Variants in RTEL1 observed in about 807,000 individuals in gnomAD.
RTEL1 encodes regulator of telomere elongation helicase 1, also known as regulator of telomere length.
RTEL1 carries 86 observed loss-of-function variants against 162.2 expected under a neutral mutation model. That is an observed-to-expected ratio of 0.53 (90% CI 0.45 to 0.63). RTEL1 has a LOEUF of 0.63. Among genes scored for constraint, RTEL1 ranks in the 30% least tolerant of loss-of-function variants. The pLI is 0.00. For synonymous variants in RTEL1, 958 were observed against 717.9 expected (o/e 1.33, Z -5.35); for missense variants, 1,941 against 1,750.2 (o/e 1.11, Z -1.95).
chr20:63,693,426 A>G (rs908626227), intron 30 of RTEL1, 143 bp downstream of exon 30: 81 of 908,312 alleles, frequency 8.9e-5, no homozygotes, highest in Non-Finnish European at 1.2e-4. Flanking sequence ...GGGGGCCTCC[A>G]CCTCCACCAC....
In RTEL1 at chr20:63,659,383, C is replaced by T. The variant is rs189025756; in HGVS notation, c.-20C>T. 356 of 1,589,754 alleles carry T rather than the reference C, an allele frequency of 2.2e-4. 4 individuals carry two copies. The East Asian group carries it at 6.6e-3, about 30-fold the overall frequency. On this transcript the variant is annotated 5_prime_UTR_variant, in exon 2 of 35. Coordinates refer to ENST00000360203, the MANE Select transcript of RTEL1 (RefSeq NM_001283009.2). Reference sequence around the variant, plus strand: ...CCTGCCCCTCAGCCACGCTCTGTGCCCTTCTGAGAACAGGCTGATATGCCC... The same window carrying T: ...CCTGCCCCTCAGCCACGCTCTGTGCTCTTCTGAGAACAGGCTGATATGCCC...
In RTEL1 at chr20:63,662,061, C is replaced by G; in HGVS notation, c.395+118C>G. ...GAGGGTGGTGGTCTTTCTAGACGCTCCCCCGAAGTGTGCAGAGCGCTGGTG... is the reference window on the plus strand; with the variant it reads ...GAGGGTGGTGGTCTTTCTAGACGCTGCCCCGAAGTGTGCAGAGCGCTGGTG... On this transcript the variant is annotated intron_variant, in intron 4 of 34. Transcript: ENST00000360203. 4 of 838,178 alleles carry G rather than the reference C, an allele frequency of 4.8e-6. No individual in the cohort carries two copies. In the South Asian group the frequency reaches 6.0e-5, roughly 13 times the overall value. The allele number at this position is 838,178 out of a possible 1,614,324, so 51.9% of individuals were successfully genotyped here.
intron 2 of RTEL1, among the ~76,000 whole-genome samples, chr20:63,660,953 A>G (rs2090007848): frequency 6.6e-6 from 1 of 152,248 alleles, no homozygotes. Context: ...GACGTCAGAT[A>G]GGACAGCATA....
chr20:63,695,260 C>T lies in RTEL1; in HGVS notation c.3499+39C>T, dbSNP rs754073881. 1.4e-5 allele frequency: 22 copies of T among 1,606,580 alleles called. No individual in the cohort carries two copies. In the African/African-American group the frequency reaches 1.6e-4, roughly 12 times the overall value. The stretch of plus-strand genomic sequence containing the variant: ...CTGGCTGCTCCTGGCAGCGCCCCAA[C>T]CGCACGCAGCCCTGGGAGTGAGCAG... On this transcript the variant is annotated intron_variant, in intron 33 of 34. Coordinates refer to ENST00000360203, the MANE Select transcript of RTEL1 (RefSeq NM_001283009.2).
intron 16 of RTEL1, chr20:63,686,601 T>C (rs994200227): frequency 1.3e-5 from 2 of 152,382 alleles, no homozygotes; most frequent in Non-Finnish European, 2.9e-5. Context: ...GTCCGACCCA[T>C]GGTGGCATGA....
Position 63,661,342 on chromosome 20 carries a change from G to A in RTEL1, c.147G>A (p.Thr49=), listed in dbSNP as rs114124243. Reference sequence around the variant, plus strand: ...AGAGCCCTACGGGTACAGGGAAGACGCTGTGCCTGCTGTGCACCACGCTGG... The same window carrying A: ...AGAGCCCTACGGGTACAGGGAAGACACTGTGCCTGCTGTGCACCACGCTGG... ...ILESPTGTGK[T]LCLLCTTLAW... is the part of the protein sequence containing the mutation. Residue 49 remains threonine (T), a synonymous_variant, in exon 3 of 35, where the codon ACG becomes ACA. Transcript: ENST00000360203. This position sits in a 1 kb window ranked among gnomAD's most constrained non-coding sequence, Gnocchi z 5.1. The A allele has an allele frequency of 4.8e-5, 77 of 1,613,052 alleles. No homozygotes were observed. The highest frequency in any genetic ancestry group is 1.3e-4 in the Admixed American group (8 of 60,030).
chr20:63,662,552 G>T lies in RTEL1; in HGVS notation c.402G>T (p.Lys134Asn), dbSNP rs6062480. The T allele has an allele frequency of 3.1e-6, 5 of 1,614,080 alleles. No homozygotes were observed. Among genetic ancestry groups the T allele is most frequent in the Admixed American group, 1.7e-5 (1 of 60,014 alleles). ...NELRNTSYRP[K>N]VCVLGSREQL... ...CGGTGCTCTCTCCCACCAGGCCTAAGGTGTGTGTGCTGGGCTCCCGGGAGC... is the reference window on the plus strand; with the variant it reads ...CGGTGCTCTCTCCCACCAGGCCTAATGTGTGTGTGCTGGGCTCCCGGGAGC... The change falls in exon 5 of 35, where the codon AAG (lysine) becomes AAT (asparagine). Residue 134 changes from lysine (K) to asparagine (N), a missense_variant. By Grantham distance (94) the Lys-to-Asn change is moderately conservative. Coordinates refer to ENST00000360203, the MANE Select transcript of RTEL1 (RefSeq NM_001283009.2).
intron 13 of RTEL1, 88 bp downstream of exon 13, chr20:63,680,034 G>T: frequency 2.3e-6 from 2 of 888,170 alleles, no homozygotes; most frequent in Non-Finnish European, 3.4e-6. Context: ...GGCTCCCCTG[G>T]CCGTCACCTG....
intron 10 of RTEL1, 70 bp downstream of exon 10, chr20:63,674,163 A>C: frequency 6.5e-7 from 1 of 1,533,988 alleles, no homozygotes; most frequent in Non-Finnish European, 8.8e-7. Context: ...CCCGGAGTTC[A>C]GCACGGACTC....
At position 63,695,631 on chromosome 20, in the gene RTEL1, G is replaced by C. The variant is rs1601200861; in HGVS notation, c.3803G>C (p.Cys1268Ser). The C allele has an allele frequency of 6.2e-7, 1 of 1,611,418 alleles. No homozygotes were observed. Among genetic ancestry groups the C allele is most frequent in the Non-Finnish European group, 8.5e-7 (1 of 1,179,888 alleles). ...PACDFQRCQA[C>S]WQRHLQASRM... is the part of the protein sequence containing the mutation. ...TGTGACTTCCAGCGCTGCCAAGCCT[G>C]CTGGCAACGGCACCTTCAGGTTGGT... Residue 1268 changes from cysteine to serine, a missense_variant, in exon 34 of 35, where the codon TGC becomes TCC. Transcript: ENST00000360203.
intron 13 of RTEL1, 123 bp downstream of exon 13, chr20:63,680,069 G>A (rs1484086597): frequency 1.5e-6 from 1 of 664,082 alleles, no homozygotes; most frequent in Admixed American, 2.7e-5. Context: ...CAGGCCCACA[G>A]AACCTCATCT....
Position 63,659,205 on chromosome 20 carries a change from A to G in RTEL1, c.-170-28A>G, listed in dbSNP as rs1328383511. The G allele has an allele frequency of 4.3e-5, 26 of 597,756 alleles. No homozygotes were observed. The East Asian group carries it at 6.5e-4, about 15-fold the overall frequency. 37.0% of individuals were successfully genotyped at this position (597,756 alleles called of 1,614,324 possible). ...AGCCCGGTACCCACAAAGGCTGTCT[A>G]CAAACAGAGTCTTACTGTCTTTCCC... On this transcript the variant is annotated intron_variant, in intron 1 of 34. Transcript: ENST00000360203.
rs142541558 is a variant in RTEL1, at chr20:63,664,598, G to A, written c.539-1406G>A. ...GGAAGACACAGGCCAGCCCCTGCCT[G>A]TCCCCCTTGGCTTGGGCTCTCACTG... On this transcript the variant is annotated intron_variant, in intron 6 of 34. Coordinates refer to ENST00000360203, the MANE Select transcript of RTEL1 (RefSeq NM_001283009.2). Among the ~76,000 whole-genome samples, 930 of 152,316 alleles carry A rather than the reference G, an allele frequency of 6.1e-3. 33 individuals carry two copies. The highest frequency in any genetic ancestry group is 0.058 in the Admixed American group (882 of 15,302).
At chr20:63,662,971 G>A in intron 6 of RTEL1, 82 bp downstream of exon 6, 1 of 1,403,126 alleles carries the variant, frequency 7.1e-7, no homozygotes, top group Admixed American at 1.7e-5. Context: ...TCACAGCCTG[G>A]TTGTGCTTGC....
At chr20:63,665,496 G>A (rs1252351632) in intron 6 of RTEL1, among the ~76,000 whole-genome samples, 1 of 152,212 alleles carries the variant, frequency 6.6e-6, no homozygotes, top group Non-Finnish European at 1.5e-5. Flanking sequence ...AGAGGGGAGT[G>A]GGCCACTGTT....
chr20:63,689,952 C>T lies in RTEL1; in HGVS notation c.2141+87C>T, dbSNP rs1321007646. ...TGGACTCTCCTTCCCCACATGAGGC[C>T]CCGTCTCCTCCAGAGCCTCTCCGGC... is the stretch of plus-strand genomic sequence containing the variant. On this transcript the variant is annotated intron_variant, in intron 24 of 34. Coordinates refer to ENST00000360203, the MANE Select transcript of RTEL1 (RefSeq NM_001283009.2). 4.5e-6 allele frequency: 7 copies of T among 1,549,508 alleles called. No homozygotes were observed. The Admixed American group carries it at 6.8e-5, about 15-fold the overall frequency.
intron 8 of RTEL1, among the ~76,000 whole-genome samples, chr20:63,671,186 G>T (rs6062486): frequency 2.0e-5 from 3 of 151,684 alleles, no homozygotes. Flanking sequence ...TCAGCCTTCC[G>T]AGTAGCTGGG....
intron 5 of RTEL1, 61 bp from the exon 6 acceptor site, chr20:63,662,768 G>C: frequency 1.9e-6 from 3 of 1,602,194 alleles, no homozygotes; most frequent in African/African-American, 2.7e-5. Context: ...TGGGGGTGGG[G>C]ACTGGCTTCG....
In RTEL1 at chr20:63,661,629, T is replaced by C. The variant is rs1228168123; in HGVS notation, c.301+133T>C. On this transcript the variant is annotated intron_variant, in intron 3 of 34. Transcript: ENST00000360203. The surrounding 1 kb of genome is among the most constrained non-coding windows in gnomAD (Gnocchi z 5.1). ...AACTCAAGGAGAATTTTTTAGCTGC[T>C]GTATAATTTCTCGCCATCGTGGGTG... 5.7e-6 allele frequency: 6 copies of C among 1,055,586 alleles called. No individual in the cohort carries two copies. Among genetic ancestry groups the C allele is most frequent in the Admixed American group, 4.8e-5 (2 of 41,258 alleles). The allele number at this position is 1,055,586 out of a possible 1,614,324, so 65.4% of individuals were successfully genotyped here.
Sources: allele counts gnomAD v4.1 joint callset (sites outside exome capture counted in the v4.1 genomes callset), GRCh38; gene constraint gnomAD v4.1.1; non-coding constraint Gnocchi (gnomAD v3.1); transcripts MANE v1.5; gene names NCBI Gene and HGNC (gene_info 2026-07-23, HGNC 2026-07-21).